STAM2: variants seen among roughly 807,000 people sequenced by gnomAD.
STAM2 encodes the protein signal transducing adaptor molecule 2, also known as signal transducing adapter molecule 2.
Under a neutral mutation model 65.6 loss-of-function variants are expected in STAM2, and 51 were observed. The observed-to-expected ratio is 0.78, with a 90% CI of 0.62 to 0.98. The LOEUF (loss-of-function observed/expected upper bound fraction) is 0.98. Ranked by LOEUF, STAM2 falls within the 50% of genes least tolerant of loss-of-function variation. The pLI is 0.00. For missense variants in STAM2, 584 were observed against 617.8 expected, an observed-to-expected ratio of 0.95 and a Z score of 0.58; for synonymous variants, 198 against 208.4, an observed-to-expected ratio of 0.95 and a Z score of 0.43.
At chr2:152,125,357 T>C (rs938426059) in intron 12 of STAM2, among the ~76,000 whole-genome samples, 2 of 152,226 alleles carry the variant, frequency 1.3e-5, no homozygotes, top group African/African-American at 4.8e-5. Flanking sequence ...TTAACAATTA[T>C]GTTGTGTCAA....
chr2:152,150,866 T>C (rs1689431275), intron 1 of STAM2, among the ~76,000 whole-genome samples: 1 of 152,036 alleles, frequency 6.6e-6, no homozygotes, highest in African/African-American at 2.4e-5. Flanking sequence ...CAATAAAGCA[T>C]TGGTTTTGTA....
chr2:152,175,681 G>T lies in STAM2; in HGVS notation c.-39C>A. The T allele has an allele frequency of 6.3e-7, 1 of 1,594,746 alleles. No individual in the cohort carries two copies. Among genetic ancestry groups the T allele is most frequent in the South Asian group, 1.1e-5 (1 of 88,658 alleles). On this transcript the variant is annotated 5_prime_UTR_variant, in exon 1 of 14. Coordinates refer to ENST00000263904, the MANE Select transcript of STAM2 (RefSeq NM_005843.6). The stretch of plus-strand genomic sequence containing the variant: ...GAGCCCTAGTCGCTGCTGTCTAGCT[G>T]ACACTCAGCAACTGCTACCCGCCGG...
rs1689565114 is a variant in STAM2 at position 152,156,873 on chromosome 2, GTCT to G, written c.41-6647_41-6645del. On this transcript the variant is annotated intron_variant, in intron 1 of 13. Transcript: ENST00000263904. ...GTTTGCAAATAAAAATTCATGACTAGTCTTCTGCTTCCAAACATGATAGAATAT... is the reference window on the plus strand; with the variant it reads ...GTTTGCAAATAAAAATTCATGACTAGTCTGCTTCCAAACATGATAGAATAT... Among the ~76,000 whole-genome samples the G allele has an allele frequency of 4.6e-5, 7 of 152,090 alleles. No individual in the cohort carries two copies. In the South Asian group the frequency reaches 1.4e-3, roughly 31 times the overall value.
rs1221685659 is a variant in STAM2, at chr2:152,118,683, T to C, written c.*1891A>G. On this transcript the variant is annotated 3_prime_UTR_variant, in exon 14 of 14. Coordinates refer to ENST00000263904, the MANE Select transcript of STAM2 (RefSeq NM_005843.6). ...ATATATATGCAAATGTTGACTATTA[T>C]CGAGAGCAGCTTTGGATTTTTTTTA... 1.3e-5 allele frequency: 2 copies of C among 150,286 alleles called. No homozygotes were observed. The highest frequency in any genetic ancestry group is 6.7e-5 in the Admixed American group (1 of 14,824). The allele number at this position is 150,286 out of a possible 1,614,324, so 9.3% of individuals were successfully genotyped here. A position where few individuals can be genotyped will look rare whatever the true frequency, so the allele number is the denominator to read the frequency against.
At chr2:152,150,014 C>T (rs540064543) in intron 2 of STAM2, 131 bp downstream of exon 2, 31 of 642,574 alleles carry the variant, frequency 4.8e-5, no homozygotes, top group South Asian at 8.1e-5. Flanking sequence ...AGTGAACCCT[C>T]GCAGTTTAAA....
chr2:152,147,113 A>G lies in STAM2; in HGVS notation c.447+49T>C, dbSNP rs761459452. 5.9e-6 allele frequency: 9 copies of G among 1,522,746 alleles called. No individual in the cohort carries two copies. The Admixed American group carries it at 1.4e-4, about 23-fold the overall frequency. The allele number at this position is 1,522,746 out of a possible 1,614,324, so 94.3% of individuals were successfully genotyped here. ...TGCCTAGTCTTTACATAACATACAT[A>G]CCTTCAAAATATTATAGGGTCAACC... On this transcript the variant is annotated intron_variant, in intron 5 of 13. Transcript: ENST00000263904.
chr2:152,122,076 A>ATGTGTGTG (rs997181475), intron 13 of STAM2, among the ~76,000 whole-genome samples: 37 of 103,720 alleles, frequency 3.6e-4, no homozygotes, highest in Non-Finnish European at 5.6e-4. Flanking sequence ...ATATATATAT[A>ATGTGTGTG]TGTGTGTGTG....
At chr2:152,137,523 T>C (rs376945398) in intron 7 of STAM2, among the ~76,000 whole-genome samples, 2 of 152,202 alleles carry the variant, frequency 1.3e-5, no homozygotes, top group African/African-American at 2.4e-5. Context: ...TGGACAGCAG[T>C]TGTTTGTCTG....
At chr2:152,146,271 CAAAA>C (rs201803866) in intron 5 of STAM2, among the ~76,000 whole-genome samples, 1 of 97,184 alleles carries the variant, frequency 1.0e-5, no homozygotes, top group Non-Finnish European at 2.0e-5. Flanking sequence ...AACTCCATCT[CAAAA>C]AAAAAAAAAA....
intron 12 of STAM2, among the ~76,000 whole-genome samples, chr2:152,125,634 G>A (rs1055511512): frequency 1.5e-4 from 23 of 152,172 alleles, no homozygotes; most frequent in Admixed American, 1.0e-3. Flanking sequence ...GATGGCTTAC[G>A]GAGTCTGTAC....
At position 152,120,807 on chromosome 2, in the gene STAM2, A is replaced by T; in HGVS notation, c.1350-5T>A. On this transcript the variant is annotated splice_polypyrimidine_tract_variant and splice_region_variant and intron_variant, in intron 13 of 13. Transcript: ENST00000263904. ...GAAACAGTGTCTTGTCCAGTGCTAC[A>T]AACAAAATTTTAAAAAGAAAACCAT... The T allele has an allele frequency of 6.2e-7, 1 of 1,611,040 alleles. No homozygotes were observed. The highest frequency in any genetic ancestry group is 8.5e-7 in the Non-Finnish European group (1 of 1,177,310).
chr2:152,149,325 T>C (rs1008276613), intron 2 of STAM2, among the ~76,000 whole-genome samples: 1 of 152,160 alleles, frequency 6.6e-6, no homozygotes, highest in Admixed American at 6.5e-5. Context: ...CTCTTTTTCA[T>C]GTAAATTAAT....
In STAM2 at chr2:152,165,196, C is replaced by T. The variant is rs767723870; in HGVS notation, c.40+10407G>A. ...ATCCCAGCACTTTGGGAGGCCGAGG[C>T]GGGCAGATCATGAGGTCAGGAGATC... On this transcript the variant is annotated intron_variant, in intron 1 of 13. Transcript: ENST00000263904. Among the ~76,000 whole-genome samples the T allele has an allele frequency of 2.5e-4, 38 of 151,932 alleles. 1 individual carries two copies. The highest frequency in any genetic ancestry group is 4.2e-4 in the South Asian group (2 of 4,814).
At chr2:152,136,561 CCTT>C (rs1468371525) in intron 7 of STAM2, among the ~76,000 whole-genome samples, 1 of 152,200 alleles carries the variant, frequency 6.6e-6, no homozygotes, top group Non-Finnish European at 1.5e-5. Context: ...AAGTTGGTAG[CCTT>C]CTTGTCAGTC....
At chr2:152,170,981 G>A (rs1689888731) in intron 1 of STAM2, among the ~76,000 whole-genome samples, 1 of 152,202 alleles carries the variant, frequency 6.6e-6, no homozygotes, top group Non-Finnish European at 1.5e-5. Context: ...GGGCGACAGA[G>A]CAAGACTCCG....
chr2:152,150,045 A>G (rs1227954944), intron 2 of STAM2, 100 bp downstream of exon 2: 5 of 786,444 alleles, frequency 6.4e-6, no homozygotes, highest in Non-Finnish European at 8.5e-6. Flanking sequence ...TCAAGGGTCA[A>G]CTGTGATAAA....
At chr2:152,133,092 C>A (rs531454112) in intron 10 of STAM2, 81 bp downstream of exon 10, 3 of 651,622 alleles carry the variant, frequency 4.6e-6, no homozygotes, top group Non-Finnish European at 6.5e-6. Flanking sequence ...GAGGCAAATA[C>A]AAGGCAGAAG....
At chr2:152,131,809 A>T in intron 11 of STAM2, 1 of 306,918 alleles carries the variant, frequency 3.3e-6, no homozygotes, top group Non-Finnish European at 6.0e-6. Flanking sequence ...ACTAGAGAGT[A>T]GGCACACTGG....
chr2:152,175,021 C>T (rs1368601275), intron 1 of STAM2, among the ~76,000 whole-genome samples: 1 of 152,202 alleles, frequency 6.6e-6, no homozygotes, highest in Non-Finnish European at 1.5e-5. Flanking sequence ...CATCTCCTAG[C>T]ACCCGCGCAA....
Sources: gnomAD v4.1 joint callset for allele counts (sites outside exome capture counted in the v4.1 genomes callset) on GRCh38, gnomAD v4.1.1 for gene constraint, MANE v1.5 for transcripts, NCBI Gene and HGNC (gene_info 2026-07-23, HGNC 2026-07-21) for gene names.